SEMA5A: variants seen among roughly 807,000 people sequenced by gnomAD.
SEMA5A encodes semaphorin 5A, also known as semaphorin-5A.
A neutral mutation model predicts 135.5 loss-of-function variants in SEMA5A; 55 were observed. The ratio of observed to expected loss-of-function variants is 0.41; its 90% CI spans 0.33 to 0.51. SEMA5A has a LOEUF of 0.51. Among genes scored for constraint, SEMA5A ranks in the 20% least tolerant of loss-of-function variants. The pLI is 0.37. For synonymous variants in SEMA5A, 580 were observed against 546.5 expected (o/e 1.06, Z -0.85); for missense variants, 1,290 against 1,419.9 (o/e 0.91, Z 1.47).
At chr5:9,421,560 G>A (rs897452387) in intron 2 of SEMA5A, among the ~76,000 whole-genome samples, 20 of 152,080 alleles carry the variant, frequency 1.3e-4, no homozygotes, top group African/African-American at 4.8e-4. Flanking sequence ...TTGTAATACT[G>A]GGTGAAATAG....
chr5:9,177,154 T>C (rs1235956437), intron 11 of SEMA5A, among the ~76,000 whole-genome samples: 1 of 152,164 alleles, frequency 6.6e-6, no homozygotes, highest in Non-Finnish European at 1.5e-5. Context: ...TCACAGTTGA[T>C]TCATTGGAGT....
chr5:9,417,566 GT>G (rs1757323393), intron 2 of SEMA5A, among the ~76,000 whole-genome samples: 1 of 152,142 alleles, frequency 6.6e-6, no homozygotes, highest in African/African-American at 2.4e-5. Context: ...AGTTCTCAAA[GT>G]TACAAGGAAC....
chr5:9,334,357 T>A (rs1163405915), intron 4 of SEMA5A, among the ~76,000 whole-genome samples: 1 of 152,264 alleles, frequency 6.6e-6, no homozygotes, highest in Non-Finnish European at 1.5e-5. Context: ...TGGGTTATTT[T>A]TAAAGTTTTA....
chr5:9,094,628 G>A (rs920179487), intron 16 of SEMA5A, among the ~76,000 whole-genome samples: 5 of 152,136 alleles, frequency 3.3e-5, no homozygotes, highest in African/African-American at 7.2e-5. Flanking sequence ...CTTTATGTGC[G>A]GAGCCCGAAT....
chr5:9,382,749 G>A (rs1805927), intron 2 of SEMA5A, among the ~76,000 whole-genome samples: 45,154 of 152,030 alleles, frequency 0.3, 7,002 homozygotes, highest in South Asian at 0.41. Context: ...AAGGAACCAA[G>A]AAGCATGAGG....
chr5:9,514,866 T>A (rs1736418940), intron 1 of SEMA5A, among the ~76,000 whole-genome samples: 1 of 152,198 alleles, frequency 6.6e-6, no homozygotes, highest in Non-Finnish European at 1.5e-5. Flanking sequence ...TTGGTTAGTG[T>A]AGATTCCACT....
chr5:9,101,192 G>T (rs1466648727), intron 16 of SEMA5A, among the ~76,000 whole-genome samples: 1 of 152,148 alleles, frequency 6.6e-6, no homozygotes, highest in Non-Finnish European at 1.5e-5. Context: ...TAAGCTCATT[G>T]GTGTTTAAGT....
At chr5:9,324,860 AAT>A (rs2150685764) in intron 4 of SEMA5A, among the ~76,000 whole-genome samples, 1 of 152,346 alleles carries the variant, frequency 6.6e-6, no homozygotes, top group African/African-American at 2.4e-5. Flanking sequence ...AACATGAAGG[AAT>A]AATGCTTCTG....
intron 1 of SEMA5A, among the ~76,000 whole-genome samples, chr5:9,487,322 T>C (rs146366598): frequency 2.8e-4 from 42 of 152,280 alleles, no homozygotes; most frequent in African/African-American, 9.4e-4. Flanking sequence ...CTAAAAAGCA[T>C]TTACTACTAT....
intron 19 of SEMA5A, among the ~76,000 whole-genome samples, chr5:9,053,520 A>C (rs1736711133): frequency 6.6e-6 from 1 of 152,170 alleles, no homozygotes; most frequent in South Asian, 2.1e-4. Flanking sequence ...AAGAGTGCTT[A>C]GTGTCCCCTT....
chr5:9,354,595 A>C (rs1754362885), intron 3 of SEMA5A, among the ~76,000 whole-genome samples: 4 of 152,078 alleles, frequency 2.6e-5, no homozygotes, highest in Admixed American at 2.6e-4. Context: ...ACGTGTACCT[A>C]CTCTGTGCCT....
chr5:9,417,051 C>G (rs1757306427), intron 2 of SEMA5A, among the ~76,000 whole-genome samples: 1 of 152,250 alleles, frequency 6.6e-6, no homozygotes, highest in East Asian at 1.9e-4. Flanking sequence ...CTGGTACACT[C>G]ATTGAACAGC....
At chr5:9,335,334 C>T (rs1753341319) in intron 4 of SEMA5A, among the ~76,000 whole-genome samples, 1 of 152,172 alleles carries the variant, frequency 6.6e-6, no homozygotes, top group South Asian at 2.1e-4. Context: ...GAAAACAATT[C>T]CCAGCTGCCA....
chr5:9,198,644 T>C (rs184533641), intron 9 of SEMA5A, among the ~76,000 whole-genome samples: 10 of 152,296 alleles, frequency 6.6e-5, no homozygotes, highest in Admixed American at 5.2e-4. Flanking sequence ...ATACAGGGCC[T>C]GGCGCTGGAA....
intron 16 of SEMA5A, among the ~76,000 whole-genome samples, chr5:9,091,543 G>A (rs1237277446): frequency 2.1e-4 from 32 of 152,260 alleles, no homozygotes; most frequent in African/African-American, 2.4e-5. Flanking sequence ...CACTAGATTT[G>A]TGGTTTACAA....
chr5:9,514,677 A>G (rs1736408779), intron 1 of SEMA5A, among the ~76,000 whole-genome samples: 1 of 152,232 alleles, frequency 6.6e-6, no homozygotes, highest in Non-Finnish European at 1.5e-5. Flanking sequence ...AAAAGTCTGT[A>G]CATGTTCAGT....
chr5:9,540,456 G>C (rs965837421), intron 1 of SEMA5A, among the ~76,000 whole-genome samples: 1 of 151,722 alleles, frequency 6.6e-6, no homozygotes, highest in African/African-American at 2.4e-5. Context: ...AAATTAGCTG[G>C]GCATGTGGCG....
intron 4 of SEMA5A, among the ~76,000 whole-genome samples, chr5:9,325,486 A>C (rs902105073): frequency 6.6e-6 from 1 of 151,508 alleles, no homozygotes; most frequent in Non-Finnish European, 1.5e-5. Context: ...TTGCTTACTG[A>C]CTCTAGGATT....
chr5:9,043,185 A>G, intron 22 of SEMA5A, 169 bp from the exon 23 acceptor site: 1 of 601,934 alleles, frequency 1.7e-6, no homozygotes, highest in Non-Finnish European at 2.7e-6. Context: ...CCCATGGAGG[A>G]CTTGCCTAAT....
Sources: gnomAD v4.1 joint callset for allele counts (sites outside exome capture counted in the v4.1 genomes callset) on GRCh38, gnomAD v4.1.1 for gene constraint, MANE v1.5 for transcripts, NCBI Gene and HGNC (gene_info 2026-07-23, HGNC 2026-07-21) for gene names.